The following GABBR2 variants were observed in gnomAD, a reference collection of about 807,000 sequenced individuals.
GABBR2 encodes the protein gamma-aminobutyric acid type B receptor subunit 2, also known as G-protein coupled receptor 51.
A neutral mutation model predicts 105.6 loss-of-function variants in GABBR2; 23 were observed. That is an observed-to-expected ratio of 0.22 (90% confidence interval 0.16 to 0.31). The LOEUF is 0.31. Among genes scored for constraint, GABBR2 ranks in the 10% least tolerant of loss-of-function variants. The pLI is 1.00. For synonymous variants in GABBR2, 478 were observed against 499.7 expected (o/e 0.96, Z 0.58); for missense variants, 734 against 1,245.5 (o/e 0.59, Z 6.18).
At chr9:98,545,234 G>A (rs1288741973) in intron 2 of GABBR2, among the ~76,000 whole-genome samples, 1 of 152,198 alleles carries the variant, frequency 6.6e-6, no homozygotes, top group African/African-American at 2.4e-5. Context: ...ATGGCCCATT[G>A]GGTTTACAAT....
At chr9:98,336,731 G>A (rs1831122557) in intron 13 of GABBR2, among the ~76,000 whole-genome samples, 1 of 152,062 alleles carries the variant, frequency 6.6e-6, no homozygotes, top group Admixed American at 6.5e-5. Context: ...TTCCAGAATG[G>A]CAGATGTAAA....
intron 3 of GABBR2, among the ~76,000 whole-genome samples, chr9:98,514,901 C>G (rs1353531115): frequency 6.6e-6 from 1 of 152,120 alleles, no homozygotes; most frequent in Non-Finnish European, 1.5e-5. Flanking sequence ...ATGGGGAAGT[C>G]TAGGCTTGTG....
intron 2 of GABBR2, among the ~76,000 whole-genome samples, chr9:98,568,228 G>A (rs1000297438): frequency 1.3e-5 from 2 of 152,106 alleles, no homozygotes; most frequent in Non-Finnish European, 2.9e-5. Context: ...ACACATTATT[G>A]GGTCCCTGTA....
intron 1 of GABBR2, among the ~76,000 whole-genome samples, chr9:98,600,953 T>C (rs1300906996): frequency 6.6e-6 from 1 of 152,186 alleles, no homozygotes; most frequent in Non-Finnish European, 1.5e-5. Flanking sequence ...TCAAAAGGCT[T>C]TCATGGCCCT....
intron 8 of GABBR2, among the ~76,000 whole-genome samples, chr9:98,399,913 C>T (rs1427935015): frequency 1.3e-5 from 2 of 151,802 alleles, no homozygotes; most frequent in Non-Finnish European, 2.9e-5. Flanking sequence ...GTGGCTCACA[C>T]CTGTGATCTC....
chr9:98,441,940 C>A (rs1490682358), intron 7 of GABBR2, among the ~76,000 whole-genome samples: 1 of 152,144 alleles, frequency 6.6e-6, no homozygotes, highest in Non-Finnish European at 1.5e-5. Flanking sequence ...TAAAAAGGAT[C>A]ACATCTGAAT....
At chr9:98,639,646 G>A (rs1829932195) in intron 1 of GABBR2, among the ~76,000 whole-genome samples, 1 of 151,400 alleles carries the variant, frequency 6.6e-6, no homozygotes, top group Non-Finnish European at 1.5e-5. Flanking sequence ...AATGGTTCAA[G>A]AAAATTCTGG....
chr9:98,326,033 G>A (rs900802915), intron 13 of GABBR2, among the ~76,000 whole-genome samples: 9 of 152,210 alleles, frequency 5.9e-5, no homozygotes, highest in African/African-American at 1.9e-4. Flanking sequence ...AGCCTTGTGC[G>A]AAATTCCAAA....
intron 7 of GABBR2, among the ~76,000 whole-genome samples, chr9:98,407,557 C>T (rs911020406): frequency 6.6e-6 from 1 of 152,196 alleles, no homozygotes; most frequent in African/African-American, 2.4e-5. Flanking sequence ...AATCACAAAA[C>T]ACCTTCTAAA....
chr9:98,638,420 G>C (rs1229433079), intron 1 of GABBR2, among the ~76,000 whole-genome samples: 1 of 152,194 alleles, frequency 6.6e-6, no homozygotes, highest in Non-Finnish European at 1.5e-5. Flanking sequence ...GCGAAGCAGA[G>C]ATGGGGCTGG....
At chr9:98,352,095 T>A (rs1477895893) in intron 13 of GABBR2, among the ~76,000 whole-genome samples, 4 of 152,252 alleles carry the variant, frequency 2.6e-5, no homozygotes, top group African/African-American at 7.2e-5. Context: ...GTAATCAACA[T>A]CAGTGATTGC....
chr9:98,309,255 C>T (rs1338281963), intron 14 of GABBR2, among the ~76,000 whole-genome samples: 1 of 152,202 alleles, frequency 6.6e-6, no homozygotes, highest in African/African-American at 2.4e-5. Context: ...CATCTCCAAC[C>T]ACTTTGGAAG....
chr9:98,415,579 G>A (rs754932775), intron 7 of GABBR2, among the ~76,000 whole-genome samples: 2 of 152,172 alleles, frequency 1.3e-5, no homozygotes, highest in African/African-American at 2.4e-5. Flanking sequence ...TCGGCAAAAC[G>A]TGCAGAGATG....
chr9:98,382,851 T>C (rs1832002750), intron 11 of GABBR2, among the ~76,000 whole-genome samples: 1 of 152,234 alleles, frequency 6.6e-6, no homozygotes, highest in African/African-American at 2.4e-5. Context: ...TGTAGGAATA[T>C]CAGAGACTCA....
At chr9:98,479,691 G>T (rs1019987809) in intron 5 of GABBR2, among the ~76,000 whole-genome samples, 17 of 152,294 alleles carry the variant, frequency 1.1e-4, no homozygotes, top group African/African-American at 4.1e-4. Context: ...GAGCTGGGCA[G>T]GTCTCCCTAG....
chr9:98,374,445 C>T (rs927368062), intron 11 of GABBR2, among the ~76,000 whole-genome samples: 2 of 152,206 alleles, frequency 1.3e-5, no homozygotes, highest in Non-Finnish European at 2.9e-5. Flanking sequence ...TGGTCCTTGG[C>T]TGGTATCTGA....
At chr9:98,395,929 G>A (rs1315724173) in intron 8 of GABBR2, among the ~76,000 whole-genome samples, 1 of 152,142 alleles carries the variant, frequency 6.6e-6, no homozygotes, top group Middle Eastern at 3.2e-3. Context: ...GCTATTTTAT[G>A]TACATTTTCT....
At chr9:98,523,394 A>G (rs1347752149) in intron 3 of GABBR2, among the ~76,000 whole-genome samples, 1 of 152,216 alleles carries the variant, frequency 6.6e-6, no homozygotes, top group Non-Finnish European at 1.5e-5. Flanking sequence ...AGCAAGAGAA[A>G]TGTCTGAAAA....
Position 98,306,627 on chromosome 9 carries a change from T to A in GABBR2, c.2005-282A>T, listed in dbSNP as rs1830554985. The A allele has an allele frequency of 2.1e-5, 10 of 479,784 alleles. No homozygotes were observed. Among genetic ancestry groups the A allele is most frequent in the South Asian group, 2.0e-4 (9 of 44,416 alleles). The allele number at this position is 479,784 out of a possible 1,614,324, so 29.7% of individuals were successfully genotyped here. A position where few individuals can be genotyped will look rare whatever the true frequency, so the allele number is the denominator to read the frequency against. On this transcript the variant is annotated intron_variant, in intron 14 of 18. Coordinates refer to ENST00000259455, the MANE Select transcript of GABBR2 (RefSeq NM_005458.8). The surrounding 1 kb of genome is among the most constrained non-coding windows in gnomAD (Gnocchi z 5.4). ...TGCACAGACCTGCCCAAGGCTACAG[T>A]GGAAGGGAACTTCAGATAAGATCTC...
Sources: allele counts gnomAD v4.1 joint callset (sites outside exome capture counted in the v4.1 genomes callset), GRCh38; gene constraint gnomAD v4.1.1; non-coding constraint Gnocchi (gnomAD v3.1); transcripts MANE v1.5; gene names NCBI Gene and HGNC (gene_info 2026-07-23, HGNC 2026-07-21).